SCARB1: variants seen among roughly 807,000 people sequenced by gnomAD.
SCARB1 encodes scavenger receptor class B member 1.
In SCARB1, 30 loss-of-function variants were observed where a neutral mutation model predicts 57.2. The ratio of observed to expected loss-of-function variants is 0.52; its 90% confidence interval spans 0.39 to 0.71. SCARB1 has a LOEUF of 0.71. Ranked by LOEUF, SCARB1 falls within the 30% of genes least tolerant of loss-of-function variation. The pLI is 0.00. For missense variants in SCARB1, 543 were observed against 671.2 expected (o/e 0.81, Z 2.11); for synonymous variants, 249 against 268.3 (o/e 0.93, Z 0.70).
Position 124,796,824 on chromosome 12 carries a change from G to A in SCARB1, c.1129-1556C>T, listed in dbSNP as rs980569438. 6.6e-6 allele frequency among the ~76,000 whole-genome samples: 1 copy of A among 152,162 alleles called. No homozygotes were observed. The highest frequency in any genetic ancestry group is 2.4e-5 in the African/African-American group (1 of 41,440). ...CGAGAGCCTGGTGGGATGGGCATGA[G>A]ATCACCCGTGAGTAGAACAGAGTTC... On this transcript the variant is annotated intron_variant, in intron 8 of 12. Coordinates refer to ENST00000261693, the MANE Select transcript of SCARB1 (RefSeq NM_005505.5). The surrounding 1 kb of genome is among the most constrained non-coding windows in gnomAD (Gnocchi z 4.0).
intron 1 of SCARB1, among the ~76,000 whole-genome samples, chr12:124,828,382 G>A (rs1039025461): frequency 6.6e-6 from 1 of 152,014 alleles, no homozygotes; most frequent in Non-Finnish European, 1.5e-5. Context: ...TGACCTCATT[G>A]GGATTGCAGT....
chr12:124,862,025 G>A (rs1199345426), intron 1 of SCARB1, among the ~76,000 whole-genome samples: 1 of 87,682 alleles, frequency 1.1e-5, no homozygotes, highest in African/African-American at 4.2e-5. Flanking sequence ...GAGACCAGGT[G>A]CTCACTCACA....
intron 1 of SCARB1, among the ~76,000 whole-genome samples, chr12:124,849,317 C>CCACCCCTACCTCATCCCCTCT (rs1210303216): frequency 2.9e-4 from 44 of 152,324 alleles, no homozygotes; most frequent in African/African-American, 1.1e-3. Flanking sequence ...CTCATCCCTC[C>CCACCCCTACCTCATCCCCTCT]CACCCCTACC....
At chr12:124,821,611 G>T (rs985582738) in intron 1 of SCARB1, 7 of 854,432 alleles carry the variant, frequency 8.2e-6, no homozygotes, top group Non-Finnish European at 8.4e-6. Context: ...TCAGGGATGG[G>T]TCACTGACCT....
intron 1 of SCARB1, among the ~76,000 whole-genome samples, chr12:124,851,297 T>G (rs1166443463): frequency 1.3e-5 from 2 of 152,112 alleles, no homozygotes; most frequent in East Asian, 3.9e-4. Flanking sequence ...TATAAAAACA[T>G]AGGAATCTAA....
chr12:124,860,552 G>A (rs1952853449), intron 1 of SCARB1, among the ~76,000 whole-genome samples: 1 of 152,222 alleles, frequency 6.6e-6, no homozygotes, highest in South Asian at 2.1e-4. Context: ...GCAGAGATAG[G>A]GGAAGTAGCA....
rs776876716 is a variant in SCARB1, at chr12:124,817,582, C to T, written c.252G>A (p.Pro84=). The part of the protein sequence containing the change: ...NPSEILKGEK[P]QVRERGPYVY... ...CGTAGGGCCCGCGCTCCCGCACCTG[C>T]GGCTTCTCGCCCTTCAGGATCTCGC... is the stretch of plus-strand genomic sequence containing the variant. The change falls in exon 2 of 13, where the codon CCG becomes CCA. Residue 84 remains proline (P), a synonymous_variant. Coordinates refer to ENST00000261693, the MANE Select transcript of SCARB1 (RefSeq NM_005505.5). The surrounding 1 kb of genome is among the most constrained non-coding windows in gnomAD (Gnocchi z 4.8). 1.3e-5 allele frequency: 21 copies of T among 1,614,068 alleles called. No homozygotes were observed. The highest frequency in any genetic ancestry group is 1.1e-4 in the East Asian group (5 of 44,896).
Position 124,796,783 on chromosome 12 carries a change from G to A in SCARB1, c.1129-1515C>T, listed in dbSNP as rs370582006. ...AAAGGCCTCACTTACGCCCACGACT[G>A]GGGAGTGCTTGCCCTCGAGAGCCTG... On this transcript the variant is annotated intron_variant, in intron 8 of 12. Transcript: ENST00000261693. This position sits in a 1 kb window ranked among gnomAD's most constrained non-coding sequence, Gnocchi z 4.0. Among the ~76,000 whole-genome samples, 2 of 152,180 alleles carry A rather than the reference G, an allele frequency of 1.3e-5. No individual in the cohort carries two copies. The highest frequency in any genetic ancestry group is 2.4e-5 in the African/African-American group (1 of 41,436).
At chr12:124,809,466 G>A (rs1041632730) in intron 6 of SCARB1, among the ~76,000 whole-genome samples, 3 of 152,124 alleles carry the variant, frequency 2.0e-5, no homozygotes, top group Non-Finnish European at 4.4e-5. Flanking sequence ...ATAGTAAAAA[G>A]TGGCCACACA....
At chr12:124,845,241 C>T (rs1185005878) in intron 1 of SCARB1, among the ~76,000 whole-genome samples, 2 of 152,110 alleles carry the variant, frequency 1.3e-5, no homozygotes. Context: ...CACAGAGGCG[C>T]GGAAAAACAG....
chr12:124,833,044 T>C (rs1951474354), intron 1 of SCARB1, among the ~76,000 whole-genome samples: 1 of 152,058 alleles, frequency 6.6e-6, no homozygotes, highest in African/African-American at 2.4e-5. Context: ...TCCGCATTCC[T>C]TGGCTCCTGT....
intron 1 of SCARB1, among the ~76,000 whole-genome samples, chr12:124,831,003 T>G (rs1388523484): frequency 7.0e-6 from 1 of 142,658 alleles, no homozygotes; most frequent in East Asian, 2.0e-4. Context: ...TTAGACGGAG[T>G]TTTGCTCTGT....
chr12:124,847,208 G>A (rs1180737216), intron 1 of SCARB1, among the ~76,000 whole-genome samples: 3 of 152,238 alleles, frequency 2.0e-5, no homozygotes, highest in Non-Finnish European at 4.4e-5. Flanking sequence ...AGTGCAAAGC[G>A]AGGGGTTGCA....
At position 124,857,587 on chromosome 12, in the gene SCARB1, C is replaced by T. The variant is rs12582708; in HGVS notation, c.126+6008G>A. Among the ~76,000 whole-genome samples, 1,254 of 152,278 alleles carry T rather than the reference C, an allele frequency of 8.2e-3. 27 individuals are homozygous for T. The East Asian group carries it at 0.094, about 11-fold the overall frequency. On this transcript the variant is annotated intron_variant, in intron 1 of 12. Transcript: ENST00000261693. ...CTGGTGTTGAAGGGGTGGCAAGGAGCTCAGGCGCTGCTATGGCCCTCGGGG... is the reference window on the plus strand; with the variant it reads ...CTGGTGTTGAAGGGGTGGCAAGGAGTTCAGGCGCTGCTATGGCCCTCGGGG...
At chr12:124,786,174 A>G (rs545052580) in intron 11 of SCARB1, 183 bp downstream of exon 11, 1 of 1,574,182 alleles carries the variant, frequency 6.4e-7, no homozygotes, top group East Asian at 2.3e-5. Context: ...CGCGGCATGC[A>G]AAAGACGCAA....
chr12:124,799,102 A>G (rs1188499152), intron 8 of SCARB1, among the ~76,000 whole-genome samples: 1 of 152,230 alleles, frequency 6.6e-6, no homozygotes, highest in Non-Finnish European at 1.5e-5. Context: ...CTCAGCACCA[A>G]TACATCATCA....
chr12:124,848,702 C>T (rs771580395), intron 1 of SCARB1, among the ~76,000 whole-genome samples: 5 of 152,218 alleles, frequency 3.3e-5, no homozygotes, highest in Admixed American at 6.5e-5. Context: ...TGGATGCCTC[C>T]CTCGTGAGAA....
chr12:124,860,389 C>A (rs950162064), intron 1 of SCARB1, among the ~76,000 whole-genome samples: 1 of 152,260 alleles, frequency 6.6e-6, no homozygotes, highest in Non-Finnish European at 1.5e-5. Flanking sequence ...AAGACAGCAG[C>A]CTCGGAAGAT....
intron 12 of SCARB1, among the ~76,000 whole-genome samples, chr12:124,782,110 T>TGTTG (rs1949340086): frequency 6.6e-6 from 1 of 152,138 alleles, no homozygotes; most frequent in African/African-American, 2.4e-5. Flanking sequence ...GTTTTCACCA[T>TGTTG]GTTGGCCAGG....
Sources: allele counts gnomAD v4.1 joint callset (sites outside exome capture counted in the v4.1 genomes callset), GRCh38; gene constraint gnomAD v4.1.1; non-coding constraint Gnocchi (gnomAD v3.1); transcripts MANE v1.5; gene names NCBI Gene and HGNC (gene_info 2026-07-23, HGNC 2026-07-21).